JAZF1: variants seen among roughly 807,000 people sequenced by gnomAD.
JAZF1 encodes the protein JAZF zinc finger 1, also known as juxtaposed with another zinc finger protein 1.
A neutral mutation model predicts 26.4 loss-of-function variants in JAZF1; 8 were observed. The ratio of observed to expected loss-of-function variants is 0.30; its 90% CI spans 0.18 to 0.55. JAZF1 has a LOEUF of 0.55. JAZF1 is among the 20% of genes least tolerant of loss of function. The pLI is 0.94. For synonymous variants in JAZF1, 126 were observed against 122.3 expected (o/e 1.03, Z -0.20); for missense variants, 199 against 322.0 (o/e 0.62, Z 2.92).
chr7:28,112,302 A>G (rs192773896), intron 1 of JAZF1, among the ~76,000 whole-genome samples: 215 of 152,322 alleles, frequency 1.4e-3, no homozygotes, highest in African/African-American at 4.9e-3. Flanking sequence ...CTGAAGCAAA[A>G]CTTGGACCAG....
At chr7:27,850,391 C>G (rs1297097618) in intron 3 of JAZF1, among the ~76,000 whole-genome samples, 1 of 152,218 alleles carries the variant, frequency 6.6e-6, no homozygotes, top group African/African-American at 2.4e-5. Context: ...TCCCCTGTCT[C>G]CTCCTTAACT....
chr7:27,971,887 G>C (rs1785380319), intron 2 of JAZF1, among the ~76,000 whole-genome samples: 1 of 152,170 alleles, frequency 6.6e-6, no homozygotes, highest in Non-Finnish European at 1.5e-5. Flanking sequence ...ATAGGAAATA[G>C]AAAGATTGGT....
intron 1 of JAZF1, among the ~76,000 whole-genome samples, chr7:28,151,791 C>CAAA (rs369438312): frequency 7.0e-6 from 1 of 143,834 alleles, no homozygotes; most frequent in African/African-American, 2.5e-5. Flanking sequence ...AATTCCATCT[C>CAAA]AAAAAAAAAA....
chr7:27,857,415 G>A (rs1783289461), intron 3 of JAZF1, among the ~76,000 whole-genome samples: 1 of 152,330 alleles, frequency 6.6e-6, no homozygotes, highest in East Asian at 1.9e-4. Context: ...CCCACAAGCT[G>A]AGGAAGCTGG....
intron 1 of JAZF1, among the ~76,000 whole-genome samples, chr7:28,005,784 T>C (rs750262564): frequency 2.0e-5 from 3 of 152,024 alleles, no homozygotes; most frequent in Non-Finnish European, 2.9e-5. Context: ...GGGAAGTCCC[T>C]GGACCTTCTC....
chr7:28,026,423 C>A (rs1199836930), intron 1 of JAZF1, among the ~76,000 whole-genome samples: 1 of 152,106 alleles, frequency 6.6e-6, no homozygotes, highest in Non-Finnish European at 1.5e-5. Flanking sequence ...CTTTTGTGCA[C>A]CAAACTGACA....
intron 3 of JAZF1, among the ~76,000 whole-genome samples, chr7:27,847,966 CTATAA>C (rs1783059216): frequency 1.3e-5 from 2 of 152,146 alleles, no homozygotes; most frequent in Admixed American, 1.3e-4. Context: ...CGTGCCCAGC[CTATAA>C]TATAATTTTA....
At chr7:27,931,488 C>G (rs1260951282) in intron 2 of JAZF1, among the ~76,000 whole-genome samples, 1 of 152,206 alleles carries the variant, frequency 6.6e-6, no homozygotes, top group Admixed American at 6.5e-5. Context: ...TACCTTGGCA[C>G]AGCAATGTGT....
At chr7:28,058,044 A>C (rs1338129404) in intron 1 of JAZF1, among the ~76,000 whole-genome samples, 2 of 152,216 alleles carry the variant, frequency 1.3e-5, no homozygotes, top group African/African-American at 4.8e-5. Context: ...TCAGGGATGC[A>C]GAACCATTAC....
rs1783207092 is a variant in JAZF1 at position 28,032,366 on chromosome 7, T to C, written c.116-40385A>G. ...ATAAATAGATCTGCAATTTGGAAAT[T>C]AATAATAAGAAAAAGTTACTGGCTT... On this transcript the variant is annotated intron_variant, in intron 1 of 4. Transcript: ENST00000283928. Among the ~76,000 whole-genome samples the C allele has an allele frequency of 2.0e-5, 3 of 152,280 alleles. 1 individual carries two copies. In the Middle Eastern group the frequency reaches 0.01, roughly 518 times the overall value.
chr7:27,985,032 A>C (rs1040068908), intron 2 of JAZF1, among the ~76,000 whole-genome samples: 1 of 152,236 alleles, frequency 6.6e-6, no homozygotes, highest in Non-Finnish European at 1.5e-5. Flanking sequence ...CTAACATCAC[A>C]ATTAAAAGAA....
In JAZF1 at chr7:27,873,810, G is replaced by A. The variant is rs375661851; in HGVS notation, c.385+21410C>T. 2.3e-4 allele frequency among the ~76,000 whole-genome samples: 35 copies of A among 152,320 alleles called. 1 individual carries two copies. The South Asian group carries it at 7.3e-3, about 32-fold the overall frequency. ...GGGTCTTCGAGGAACAGCCATTAGA[G>A]CCAGTTGCCTGTCTCTCTTCTAGAG... On this transcript the variant is annotated intron_variant, in intron 3 of 4. Transcript: ENST00000283928.
intron 3 of JAZF1, among the ~76,000 whole-genome samples, chr7:27,856,137 G>A (rs1319979098): frequency 1.3e-5 from 2 of 152,190 alleles, no homozygotes; most frequent in African/African-American, 2.4e-5. Context: ...CTTAAACGTG[G>A]TGTGTCCGGA....
At chr7:28,052,089 A>G (rs1783627388) in intron 1 of JAZF1, among the ~76,000 whole-genome samples, 3 of 152,234 alleles carry the variant, frequency 2.0e-5, no homozygotes, top group Admixed American at 2.0e-4. Flanking sequence ...TGAAAAGCCA[A>G]AATGTTTAAT....
intron 1 of JAZF1, among the ~76,000 whole-genome samples, chr7:28,007,954 G>A (rs1782733368): frequency 1.3e-5 from 2 of 152,120 alleles, no homozygotes; most frequent in Admixed American, 6.5e-5. Context: ...GCACTGGGAT[G>A]AAATATTTAG....
At chr7:27,883,662 T>C (rs573922536) in intron 3 of JAZF1, among the ~76,000 whole-genome samples, 1 of 152,316 alleles carries the variant, frequency 6.6e-6, no homozygotes, top group Non-Finnish European at 1.5e-5. Context: ...ATATTCTCAA[T>C]GTAAGGAAGC....
At position 27,862,300 on chromosome 7, in the gene JAZF1, C is replaced by T. The variant is rs1229445594; in HGVS notation, c.386-21433G>A. On this transcript the variant is annotated intron_variant, in intron 3 of 4. Transcript: ENST00000283928. ...AGGTTTGGGGTACAATTGATCCCAT[C>T]ACCCAGGTCCTGGGCATGGTAATCA... is the stretch of plus-strand genomic sequence containing the variant. Among the ~76,000 whole-genome samples the T allele has an allele frequency of 4.6e-5, 7 of 152,166 alleles. No individual in the cohort carries two copies. The South Asian group carries it at 6.2e-4, about 14-fold the overall frequency.
intron 3 of JAZF1, among the ~76,000 whole-genome samples, chr7:27,868,484 C>T (rs1357594779): frequency 2.6e-5 from 4 of 152,240 alleles, no homozygotes; most frequent in East Asian, 1.9e-4. Context: ...CCACTCTGAA[C>T]AAGGCGTGGA....
At chr7:27,969,543 G>A (rs1368489951) in intron 2 of JAZF1, among the ~76,000 whole-genome samples, 1 of 151,994 alleles carries the variant, frequency 6.6e-6, no homozygotes, top group East Asian at 1.9e-4. Flanking sequence ...ATCAAGCCAG[G>A]GAAAAAAGCT....
Sources: allele counts gnomAD v4.1 joint callset (sites outside exome capture counted in the v4.1 genomes callset), GRCh38; gene constraint gnomAD v4.1.1; transcripts MANE v1.5; gene names NCBI Gene and HGNC (gene_info 2026-07-23, HGNC 2026-07-21).